Variants in ZNF7 observed in about 807,000 individuals in gnomAD.
ZNF7 encodes the protein zinc finger protein 7.
In ZNF7, 10 loss-of-function variants were observed where a neutral mutation model predicts 12.0. That is an observed-to-expected ratio of 0.83 (90% CI 0.51 to 1.42). The LOEUF (loss-of-function observed/expected upper bound fraction) is 1.42. Among genes scored for constraint, ZNF7 ranks in the 40% most tolerant of loss-of-function variants. ZNF7 has a pLI of 0.00. For missense variants in ZNF7, 854 were observed against 837.2 expected (o/e 1.02, Z -0.25); for synonymous variants, 334 against 295.0 (o/e 1.13, Z -1.35).
chr8:144,828,852 T>A (rs1291007385), intron 1 of ZNF7, 191 bp from the exon 2 acceptor site: 1 of 681,792 alleles, frequency 1.5e-6, no homozygotes, highest in Non-Finnish European at 2.5e-6. Flanking sequence ...ACACATACAC[T>A]CTAAAGAGGA....
At chr8:144,846,072 A>G, downstream of ZNF7, 1 of 1,536,432 alleles carries the variant, frequency 6.5e-7, no homozygotes. Flanking sequence ...CACTGCTCAC[A>G]AAGACTGACC....
At chr8:144,838,960 A>T (rs2130652454) in intron 4 of ZNF7, 3 of 151,660 alleles carry the variant, frequency 2.0e-5, no homozygotes, top group Admixed American at 6.6e-5. Flanking sequence ...AAAAAAAAAA[A>T]AAGCAGGGGC....
chr8:144,832,097 T>C (rs1217238231), intron 3 of ZNF7, among the ~76,000 whole-genome samples: 2 of 102,434 alleles, frequency 2.0e-5, no homozygotes, highest in African/African-American at 5.7e-5. Context: ...TTTTGCCTTA[T>C]GGATTGTCTC....
intron 4 of ZNF7, among the ~76,000 whole-genome samples, chr8:144,840,154 G>T (rs890107221): frequency 6.6e-6 from 1 of 152,230 alleles, no homozygotes; most frequent in African/African-American, 2.4e-5. Context: ...TGTCAAGCAA[G>T]CCCTGTTGAA....
intron 3 of ZNF7, 168 bp from the exon 4 acceptor site, chr8:144,837,223 G>A: frequency 1.9e-6 from 1 of 533,906 alleles, no homozygotes. Flanking sequence ...AGAAAGGGCT[G>A]CTGTGTCCCC....
intron 1 of ZNF7, 152 bp downstream of exon 1, chr8:144,827,761 C>T: frequency 1.1e-6 from 1 of 879,956 alleles, no homozygotes; most frequent in East Asian, 1.2e-4. Context: ...GCCTTGAGCG[C>T]CTGGTGTGGG....
chr8:144,829,740 G>T, intron 3 of ZNF7, 136 bp downstream of exon 3: 1 of 1,197,388 alleles, frequency 8.4e-7, no homozygotes, highest in South Asian at 2.0e-5. Context: ...GGACTCATGA[G>T]TGGTGTGCCA....
intron 1 of ZNF7, 177 bp downstream of exon 1, chr8:144,827,786 A>T (rs1207760554): frequency 8.5e-6 from 6 of 703,298 alleles, no homozygotes; most frequent in Non-Finnish European, 1.0e-5. Flanking sequence ...GGTCGAGCCC[A>T]GCCACCCTCC....
intron 3 of ZNF7, among the ~76,000 whole-genome samples, chr8:144,832,567 A>C (rs557472853): frequency 6.6e-6 from 1 of 152,144 alleles, no homozygotes; most frequent in Admixed American, 6.5e-5. Flanking sequence ...GCCTCTACTA[A>C]AAATACAGAC....
chr8:144,834,879 TACAGGTGCCTGCC>T (rs1828821448), intron 3 of ZNF7: 1 of 152,174 alleles, frequency 6.6e-6, no homozygotes, highest in African/African-American at 2.4e-5. Context: ...TAGCTGGCAC[TACAGGTGCCTGCC>T]ACCATGCTTG....
At chr8:144,837,801 CT>C in intron 4 of ZNF7, among the ~76,000 whole-genome samples, 1 of 152,274 alleles carries the variant, frequency 6.6e-6, no homozygotes, top group South Asian at 2.1e-4. Flanking sequence ...TTTACTCATA[CT>C]TTCGTTAAGC....
downstream of ZNF7, among the ~76,000 whole-genome samples, chr8:144,845,437 C>T (rs1586853557): frequency 1.3e-5 from 2 of 152,078 alleles, no homozygotes; most frequent in South Asian, 2.1e-4. Flanking sequence ...AGGTGGAGCA[C>T]GGTGGGGTTC....
At chr8:144,840,108 CTCT>C (rs1829682486) in intron 4 of ZNF7, among the ~76,000 whole-genome samples, 1 of 152,210 alleles carries the variant, frequency 6.6e-6, no homozygotes, top group African/African-American at 2.4e-5. Context: ...CCACCCTGCT[CTCT>C]TATCTTCACA....
chr8:144,844,709 C>CAAAAAAAAAAAAA (rs71320849), downstream of ZNF7, among the ~76,000 whole-genome samples: 3 of 88,646 alleles, frequency 3.4e-5, no homozygotes, highest in African/African-American at 1.3e-4. Context: ...GACTCTGTAT[C>CAAAAAAAAAAAAA]AAAAAAAAAA....
At chr8:144,829,455 G>A in intron 2 of ZNF7, 23 bp from the exon 3 acceptor site, 2 of 1,613,830 alleles carry the variant, frequency 1.2e-6, no homozygotes, top group Non-Finnish European at 1.7e-6. Flanking sequence ...GGATTCCTGG[G>A]GTGCTGGTGT....
chr8:144,834,241 G>A (rs539257067), intron 3 of ZNF7: 1 of 152,304 alleles, frequency 6.6e-6, no homozygotes, highest in African/African-American at 2.4e-5. Context: ...TGGTTCTGGA[G>A]GATGATCTTA....
chr8:144,831,085 C>G (rs1323132678), intron 3 of ZNF7: 16 of 454,646 alleles, frequency 3.5e-5, no homozygotes, highest in Admixed American at 3.3e-4. Context: ...AGCTTTCTTG[C>G]TTGGCATGTA....
chr8:144,841,592 C>T lies in ZNF7; in HGVS notation c.485C>T (p.Thr162Ile), dbSNP rs758056602. The change falls in exon 5 of 5, where the codon ACC becomes ATC. Residue 162 changes from threonine (T) to isoleucine (I), a missense_variant. Thr to Ile is a moderately conservative substitution (Grantham distance 89). Coordinates refer to ENST00000532777, the MANE Select transcript of ZNF7 (RefSeq NM_003416.4). Reference protein sequence around the residue: ...CLNEETVVPKTFTKDAPQGCK... With the variant: ...CLNEETVVPKIFTKDAPQGCK... ...AATGAGGAGACTGTGGTTCCCAAGA[C>T]CTTCACCAAGGACGCACCCCAGGGA... 2.5e-6 allele frequency: 4 copies of T among 1,614,072 alleles called. No individual in the cohort carries two copies. In the African/African-American group the frequency reaches 5.3e-5, roughly 22 times the overall value.
chr8:144,833,164 C>T (rs563910949), intron 3 of ZNF7, among the ~76,000 whole-genome samples: 81 of 137,920 alleles, frequency 5.9e-4, no homozygotes, highest in South Asian at 3.0e-3. Flanking sequence ...TGCCACTGCA[C>T]TTCAGTCTGG....
Sources: allele counts gnomAD v4.1 joint callset (sites outside exome capture counted in the v4.1 genomes callset), GRCh38; gene constraint gnomAD v4.1.1; transcripts MANE v1.5; gene names NCBI Gene and HGNC (gene_info 2026-07-23, HGNC 2026-07-21).